Variants in MAGI1 observed in about 807,000 individuals in gnomAD.
MAGI1 encodes membrane associated guanylate kinase, WW and PDZ domain containing 1.
MAGI1 carries 58 observed loss-of-function variants against 139.9 expected under a neutral mutation model. That is an observed-to-expected ratio of 0.41 (90% CI 0.34 to 0.52). The LOEUF (loss-of-function observed/expected upper bound fraction) is 0.52. Among genes scored for constraint, MAGI1 ranks in the 20% least tolerant of loss-of-function variants. The probability of loss-of-function intolerance (pLI) is 0.12; values close to 1 mark genes in which losing one functional copy is unlikely to be tolerated. For missense variants in MAGI1, 1,874 were observed against 1,901.6 expected, an observed-to-expected ratio of 0.99 and a Z score of 0.27; for synonymous variants, 812 against 737.9, an observed-to-expected ratio of 1.10 and a Z score of -1.63.
rs72383320 is a variant in MAGI1, at chr3:65,812,480, A to ACACACACACACACACACACACG, written c.314-190393_314-190392insCGTGTGTGTGTGTGTGTGTGTG. ...CTCTCTCTCTCTCTCACACACACAC[A>ACACACACACACACACACACACG]CACACACACACTTCTCTATCATTTT... is the stretch of plus-strand genomic sequence containing the variant. On this transcript the variant is annotated intron_variant, in intron 1 of 22. Coordinates refer to ENST00000402939, the MANE Select transcript of MAGI1 (RefSeq NM_001033057.2). Among the ~76,000 whole-genome samples the ACACACACACACACACACACACG allele has an allele frequency of 2.7e-5, 4 of 146,218 alleles. No homozygotes were observed. In the South Asian group the frequency reaches 6.8e-4, roughly 25 times the overall value.
intron 1 of MAGI1, among the ~76,000 whole-genome samples, chr3:65,824,156 T>C (rs1215879045): frequency 6.6e-6 from 1 of 152,208 alleles, no homozygotes; most frequent in Admixed American, 6.5e-5. Context: ...GGAATAAAAG[T>C]TATTTTGCCA....
chr3:65,544,085 A>G (rs537503294), intron 2 of MAGI1, among the ~76,000 whole-genome samples: 16 of 152,314 alleles, frequency 1.1e-4, no homozygotes, highest in African/African-American at 3.8e-4. Flanking sequence ...TAAAGTAGAT[A>G]TATCCAGATA....
chr3:65,753,099 A>T (rs1416303253), intron 1 of MAGI1, among the ~76,000 whole-genome samples: 1 of 152,172 alleles, frequency 6.6e-6, no homozygotes, highest in Non-Finnish European at 1.5e-5. Flanking sequence ...TAGGGAAAGA[A>T]GGAGGAACTT....
intron 2 of MAGI1, among the ~76,000 whole-genome samples, chr3:65,532,046 T>C (rs2078737879): frequency 6.6e-6 from 1 of 152,150 alleles, no homozygotes; most frequent in Non-Finnish European, 1.5e-5. Flanking sequence ...TCAATTCCTA[T>C]AAATCCGTAC....
chr3:65,553,042 C>T (rs2079919869), intron 2 of MAGI1, among the ~76,000 whole-genome samples: 1 of 151,970 alleles, frequency 6.6e-6, no homozygotes, highest in Non-Finnish European at 1.5e-5. Flanking sequence ...ACATAAATAG[C>T]TATTCCTGAT....
chr3:65,873,747 G>A (rs1026540585), intron 1 of MAGI1: 2 of 152,102 alleles, frequency 1.3e-5, no homozygotes, highest in African/African-American at 4.8e-5. Flanking sequence ...TTCAACAAAT[G>A]GTGCTGGGAA....
At chr3:65,777,126 A>G (rs1170845904) in intron 1 of MAGI1, among the ~76,000 whole-genome samples, 1 of 152,222 alleles carries the variant, frequency 6.6e-6, no homozygotes, top group Non-Finnish European at 1.5e-5. Context: ...GCAAACAGTG[A>G]AAACTCAAAG....
At chr3:66,002,271 T>C (rs2066784757) in intron 1 of MAGI1, among the ~76,000 whole-genome samples, 1 of 152,224 alleles carries the variant, frequency 6.6e-6, no homozygotes, top group African/African-American at 2.4e-5. Flanking sequence ...TCTCACTGCA[T>C]TAAATGTTTC....
intron 1 of MAGI1, among the ~76,000 whole-genome samples, chr3:65,799,195 G>A (rs148038294): frequency 1.4e-3 from 219 of 152,230 alleles, no homozygotes; most frequent in African/African-American, 5.1e-3. Flanking sequence ...AAAGAAATTC[G>A]TGCTACTTTT....
At chr3:65,907,460 C>T (rs570602792) in intron 1 of MAGI1, among the ~76,000 whole-genome samples, 1 of 152,280 alleles carries the variant, frequency 6.6e-6, no homozygotes, top group East Asian at 1.9e-4. Context: ...CTTATCCCCC[C>T]ACACCCGCCT....
intron 1 of MAGI1, among the ~76,000 whole-genome samples, chr3:65,731,240 T>A (rs932417709): frequency 6.6e-6 from 1 of 152,188 alleles, no homozygotes; most frequent in Non-Finnish European, 1.5e-5. Context: ...TATGGGAATG[T>A]TTGTTTGCCA....
intron 1 of MAGI1, among the ~76,000 whole-genome samples, chr3:65,841,078 T>A (rs2058787020): frequency 1.3e-5 from 2 of 152,156 alleles, no homozygotes; most frequent in South Asian, 4.1e-4. Flanking sequence ...TTGTTCAGAG[T>A]ATTATTCCCC....
At position 65,382,352 on chromosome 3, in the gene MAGI1, A is replaced by G. The variant is rs1288119821; in HGVS notation, c.2509-283T>C. On this transcript the variant is annotated intron_variant, in intron 15 of 22. Coordinates refer to ENST00000402939, the MANE Select transcript of MAGI1 (RefSeq NM_001033057.2). Reference sequence around the variant, plus strand: ...AGATATAAATTACTTTTCTCCCTTCATTATATACCCTATTCTTCTTTGGTA... The same window carrying G: ...AGATATAAATTACTTTTCTCCCTTCGTTATATACCCTATTCTTCTTTGGTA... Among the ~76,000 whole-genome samples the G allele has an allele frequency of 2.6e-5, 4 of 152,066 alleles. No homozygotes were observed. The East Asian group carries it at 7.7e-4, about 29-fold the overall frequency.
intron 1 of MAGI1, among the ~76,000 whole-genome samples, chr3:65,743,709 CAAA>C (rs879491150): frequency 7.7e-6 from 1 of 130,386 alleles, no homozygotes. Context: ...GACTCCATCT[CAAA>C]AAAAAAAAAA....
At chr3:65,861,298 T>G (rs2059548284) in intron 1 of MAGI1, among the ~76,000 whole-genome samples, 1 of 152,190 alleles carries the variant, frequency 6.6e-6, no homozygotes, top group South Asian at 2.1e-4. Context: ...TTTGAATTTC[T>G]TATACCAGGT....
intron 21 of MAGI1, 102 bp downstream of exon 21, chr3:65,363,363 G>T (rs1941084326): frequency 2.2e-6 from 3 of 1,344,378 alleles, no homozygotes; most frequent in Admixed American, 4.9e-5. Flanking sequence ...GAAAGCTATA[G>T]AAAATGTAGT....
In MAGI1 at chr3:65,356,533, C is replaced by T; in HGVS notation, c.4234G>A (p.Glu1412Lys). The T allele has an allele frequency of 3.7e-6, 6 of 1,610,280 alleles. No individual in the cohort carries two copies. Among genetic ancestry groups the T allele is most frequent in the Non-Finnish European group, 5.1e-6 (6 of 1,179,892 alleles). The change falls in exon 23 of 23, where the codon GAG becomes AAG. Residue 1412 changes from glutamate (E) to lysine (K), a missense_variant. Glu to Lys is a moderately conservative substitution (Grantham distance 56). Transcript: ENST00000402939. The part of the protein sequence containing the change: ...RRARSPERRR[E>K]RSLDKRNRED... ...CTGTTCCTTTTGTCCAGGGACCGCT[C>T]TCTCCTGCGCTCGGGGGAGCGTGCG...
chr3:65,498,288 G>GAA (rs56780794), intron 2 of MAGI1, among the ~76,000 whole-genome samples: 23 of 143,688 alleles, frequency 1.6e-4, no homozygotes, highest in Non-Finnish European at 2.1e-4. Flanking sequence ...TAAAAAAAAA[G>GAA]AAAAAAAAAA....
rs538097838 is a variant in MAGI1, at chr3:65,900,641, G to A, written c.313+137355C>T. Among the ~76,000 whole-genome samples the A allele has an allele frequency of 2.6e-4, 40 of 152,266 alleles. No individual in the cohort carries two copies. In the Middle Eastern group the frequency reaches 0.021, roughly 78 times the overall value. On this transcript the variant is annotated intron_variant, in intron 1 of 22. Coordinates refer to ENST00000402939, the MANE Select transcript of MAGI1 (RefSeq NM_001033057.2). ...GAGGCCCCACAAAGAAACACAAAAAGGCAACTGTGGTGAACACCACCAGGT... is the reference window on the plus strand; with the variant it reads ...GAGGCCCCACAAAGAAACACAAAAAAGCAACTGTGGTGAACACCACCAGGT...
Sources: gnomAD v4.1 joint callset for allele counts (sites outside exome capture counted in the v4.1 genomes callset) on GRCh38, gnomAD v4.1.1 for gene constraint, MANE v1.5 for transcripts, NCBI Gene and HGNC (gene_info 2026-07-23, HGNC 2026-07-21) for gene names.